Variants in GREM2 observed in about 807,000 individuals in gnomAD.
The protein encoded by GREM2 is gremlin 2, DAN family BMP antagonist.
A neutral mutation model predicts 14.2 loss-of-function variants in GREM2; 11 were observed. The observed-to-expected ratio is 0.78, with a 90% confidence interval of 0.49 to 1.28. GREM2 has a LOEUF of 1.28. GREM2 is among the 50% of genes most tolerant of loss of function. The probability of loss-of-function intolerance (pLI) is 0.00; values close to 1 mark genes in which losing one functional copy is unlikely to be tolerated. For missense variants in GREM2, 210 were observed against 218.5 expected, an observed-to-expected ratio of 0.96 and a Z score of 0.24; for synonymous variants, 98 against 97.6, an observed-to-expected ratio of 1.00 and a Z score of -0.02.
chr1:240,495,150 T>A (rs543713830), intron 1 of GREM2, among the ~76,000 whole-genome samples: 3 of 152,342 alleles, frequency 2.0e-5, no homozygotes, highest in South Asian at 2.1e-4. Context: ...TTTTTAGTAG[T>A]AGCCCCAAGG....
At chr1:240,602,315 T>C (rs1455837245) in intron 1 of GREM2, among the ~76,000 whole-genome samples, 2 of 152,218 alleles carry the variant, frequency 1.3e-5, no homozygotes, top group Non-Finnish European at 2.9e-5. Flanking sequence ...CTCCATCCCA[T>C]GATACTTCAG....
chr1:240,539,579 G>A (rs561458510), intron 1 of GREM2, among the ~76,000 whole-genome samples: 1 of 152,222 alleles, frequency 6.6e-6, no homozygotes, highest in East Asian at 1.9e-4. Flanking sequence ...TTTTTAAAAT[G>A]CATAAGCATT....
chr1:240,556,188 G>T (rs1407840014), intron 1 of GREM2, among the ~76,000 whole-genome samples: 1 of 152,206 alleles, frequency 6.6e-6, no homozygotes, highest in Non-Finnish European at 1.5e-5. Flanking sequence ...CAGGACACCA[G>T]TTAAAAGGGA....
At chr1:240,549,336 CAAA>C (rs55943785) in intron 1 of GREM2, among the ~76,000 whole-genome samples, 40 of 126,176 alleles carry the variant, frequency 3.2e-4, no homozygotes, top group East Asian at 8.9e-4. Flanking sequence ...AACTCCATCT[CAAA>C]AAAAAAAAAA....
chr1:240,532,165 C>A (rs560960965), intron 1 of GREM2, among the ~76,000 whole-genome samples: 14 of 152,088 alleles, frequency 9.2e-5, no homozygotes, highest in Middle Eastern at 3.4e-3. Flanking sequence ...CTCACTGCAA[C>A]CTCCGCCTCC....
chr1:240,536,097 A>G (rs576884834), intron 1 of GREM2, among the ~76,000 whole-genome samples: 3 of 152,118 alleles, frequency 2.0e-5, no homozygotes, highest in Non-Finnish European at 4.4e-5. Context: ...AACTGGAACC[A>G]CAGTACCTTC....
At chr1:240,526,881 T>C (rs1678235081) in intron 1 of GREM2, among the ~76,000 whole-genome samples, 4 of 152,232 alleles carry the variant, frequency 2.6e-5, no homozygotes, top group African/African-American at 9.6e-5. Flanking sequence ...TATGAAGAGA[T>C]GGCTTAAGGG....
intron 1 of GREM2, among the ~76,000 whole-genome samples, chr1:240,506,224 C>T (rs991429531): frequency 1.3e-5 from 2 of 152,120 alleles, no homozygotes; most frequent in Non-Finnish European, 2.9e-5. Context: ...TTTATGTCCA[C>T]ATGAAAATGT....
At chr1:240,546,640 T>C (rs1320567777) in intron 1 of GREM2, among the ~76,000 whole-genome samples, 1 of 152,212 alleles carries the variant, frequency 6.6e-6, no homozygotes, top group Non-Finnish European at 1.5e-5. Flanking sequence ...TTGCAAATGA[T>C]ACTAATTGTA....
chr1:240,508,405 G>A (rs951592880), intron 1 of GREM2, among the ~76,000 whole-genome samples: 7 of 152,214 alleles, frequency 4.6e-5, no homozygotes, highest in African/African-American at 1.7e-4. Context: ...TAAAGCAAAT[G>A]TAAGTGTACC....
intron 1 of GREM2, among the ~76,000 whole-genome samples, chr1:240,497,084 T>A (rs1572362844): frequency 6.6e-6 from 1 of 151,898 alleles, no homozygotes; most frequent in African/African-American, 2.4e-5. Context: ...AACAAGTCTG[T>A]AATTAAGAAG....
chr1:240,497,151 G>C (rs1203678857), intron 1 of GREM2, among the ~76,000 whole-genome samples: 1 of 152,132 alleles, frequency 6.6e-6, no homozygotes. Flanking sequence ...GAATGGCCTG[G>C]GTCCTTGTGG....
intron 1 of GREM2, among the ~76,000 whole-genome samples, chr1:240,496,611 CT>C (rs1677423464): frequency 6.6e-6 from 1 of 152,184 alleles, no homozygotes; most frequent in Non-Finnish European, 1.5e-5. Context: ...TCTTGTCTGA[CT>C]TTTCTCCTGG....
At chr1:240,496,364 C>T (rs1677417928) in intron 1 of GREM2, among the ~76,000 whole-genome samples, 1 of 152,200 alleles carries the variant, frequency 6.6e-6, no homozygotes. Flanking sequence ...CTATCTGTTT[C>T]TAGAATGAGC....
In GREM2 at chr1:240,602,897, C is replaced by T. The variant is rs528410312; in HGVS notation, c.-2+8987G>A. 1.0e-3 allele frequency among the ~76,000 whole-genome samples: 152 copies of T among 151,962 alleles called. No homozygotes were observed. In the Middle Eastern group the frequency reaches 0.02, roughly 20 times the overall value. On this transcript the variant is annotated intron_variant, in intron 1 of 1. Transcript: ENST00000318160. ...GACCATCCTGGCTAACATGGTGAAA[C>T]CCCTTCTCTACTAAAAATACAAAAT...
chr1:240,547,508 AAAAAAAAT>A (rs1219004150), intron 1 of GREM2, among the ~76,000 whole-genome samples: 13 of 98,736 alleles, frequency 1.3e-4, no homozygotes, highest in African/African-American at 7.5e-4. Flanking sequence ...TCAAAAAAAA[AAAAAAAAT>A]ATATATATAT....
chr1:240,611,539 C>A lies in GREM2; in HGVS notation c.-2+345G>T, dbSNP rs534897034. ...TCTAACAATTGGATGGTGTTTGCCT[C>A]GCTATAGTCATGATTAGAATGGCGG... On this transcript the variant is annotated intron_variant, in intron 1 of 1. Coordinates refer to ENST00000318160, the MANE Select transcript of GREM2 (RefSeq NM_022469.4). 2.0e-5 allele frequency among the ~76,000 whole-genome samples: 3 copies of A among 152,092 alleles called. No homozygotes were observed. In the South Asian group the frequency reaches 6.3e-4, roughly 32 times the overall value.
intron 1 of GREM2, among the ~76,000 whole-genome samples, chr1:240,562,928 ATGTG>A (rs1311927604): frequency 2.2e-5 from 3 of 137,314 alleles, no homozygotes; most frequent in African/African-American, 8.7e-5. Flanking sequence ...GTGTATGTGT[ATGTG>A]TGTGAGTGTG....
rs1182637425 is a variant in GREM2 at position 240,543,079 on chromosome 1, G to A, written c.-1-49603C>T. The stretch of plus-strand genomic sequence containing the variant: ...ATGTCCTAGGCTGCTCTCCTTCTGA[G>A]GTTTCAAAAGCATTTCCTCGATCAC... On this transcript the variant is annotated intron_variant, in intron 1 of 1. Transcript: ENST00000318160. This position sits in a 1 kb window ranked among gnomAD's most constrained non-coding sequence, Gnocchi z 6.4. Among the ~76,000 whole-genome samples, 3 of 152,162 alleles carry A rather than the reference G, an allele frequency of 2.0e-5. No homozygotes were observed. The highest frequency in any genetic ancestry group is 4.4e-5 in the Non-Finnish European group (3 of 68,046).
Sources: allele counts gnomAD v4.1 joint callset (sites outside exome capture counted in the v4.1 genomes callset), GRCh38; gene constraint gnomAD v4.1.1; non-coding constraint Gnocchi (gnomAD v3.1); transcripts MANE v1.5; gene names NCBI Gene and HGNC (gene_info 2026-07-23, HGNC 2026-07-21).